NBEA: variants seen among roughly 807,000 people sequenced by gnomAD.
NBEA encodes the protein neurobeachin.
A neutral mutation model predicts 343.4 loss-of-function variants in NBEA; 44 were observed. The ratio of observed to expected loss-of-function variants is 0.13; its 90% CI spans 0.10 to 0.16. The LOEUF is 0.16. NBEA is among the 10% of genes least tolerant of loss of function. The pLI is 1.00. For synonymous variants in NBEA, 1,175 were observed against 1,238.7 expected (o/e 0.95, Z 1.08); for missense variants, 2,555 against 3,631.3 (o/e 0.70, Z 7.62).
At chr13:35,269,547 G>C (rs1418606043) in intron 34 of NBEA, among the ~76,000 whole-genome samples, 1 of 152,158 alleles carries the variant, frequency 6.6e-6, no homozygotes, top group Admixed American at 6.5e-5. Context: ...ACCACATGAT[G>C]TCATCGTTAG....
At chr13:35,506,767 G>T (rs758040413) in intron 41 of NBEA, among the ~76,000 whole-genome samples, 4 of 152,078 alleles carry the variant, frequency 2.6e-5, no homozygotes, top group Non-Finnish European at 4.4e-5. Context: ...TCAACCTAGG[G>T]CTCGTTTGAT....
intron 45 of NBEA, among the ~76,000 whole-genome samples, chr13:35,582,820 G>T (rs954185019): frequency 6.6e-6 from 1 of 152,126 alleles, no homozygotes; most frequent in Non-Finnish European, 1.5e-5. Context: ...GAGGCCAAAA[G>T]AAAAGGCTCA....
intron 33 of NBEA, among the ~76,000 whole-genome samples, chr13:35,224,521 T>C (rs557071919): frequency 3.3e-4 from 50 of 152,278 alleles, no homozygotes; most frequent in African/African-American, 1.1e-3. Context: ...ACTGAGTCTT[T>C]CCTTGGCTTC....
At chr13:35,508,559 A>G (rs563645526) in intron 41 of NBEA, among the ~76,000 whole-genome samples, 7 of 152,264 alleles carry the variant, frequency 4.6e-5, no homozygotes, top group Admixed American at 4.6e-4. Context: ...AAAGTGGATA[A>G]CATTTGTGAA....
chr13:35,258,040 A>G (rs2032819960), intron 34 of NBEA, among the ~76,000 whole-genome samples: 1 of 152,010 alleles, frequency 6.6e-6, no homozygotes, highest in Admixed American at 6.5e-5. Context: ...TATAATACAA[A>G]TTTTCATTTT....
At chr13:35,385,088 GT>G (rs1342145900) in intron 38 of NBEA, among the ~76,000 whole-genome samples, 1 of 152,116 alleles carries the variant, frequency 6.6e-6, no homozygotes, top group East Asian at 1.9e-4. Context: ...ACTGGTGATA[GT>G]TTTATTCTTC....
Position 34,948,289 on chromosome 13 carries a change from G to A in NBEA, c.294+5175G>A, listed in dbSNP as rs188505700. On this transcript the variant is annotated intron_variant, in intron 1 of 58. Coordinates refer to ENST00000379939, the MANE Select transcript of NBEA (RefSeq NM_001385012.1). Reference sequence around the variant, plus strand: ...ATCTAACCTAGGTGTGGCAAGAATTGTGGTGATTGGTTCAGGGACAAACAT... The same window carrying A: ...ATCTAACCTAGGTGTGGCAAGAATTATGGTGATTGGTTCAGGGACAAACAT... Among the ~76,000 whole-genome samples, 4 of 152,284 alleles carry A rather than the reference G, an allele frequency of 2.6e-5. No homozygotes were observed. In the East Asian group the frequency reaches 7.7e-4, roughly 29 times the overall value.
rs770988950 is a variant in NBEA, at chr13:35,159,384, C to T, written c.3213C>T (p.Leu1071=). 1.7e-5 allele frequency: 28 copies of T among 1,613,076 alleles called. No individual in the cohort carries two copies. The South Asian group carries it at 2.0e-4, about 11-fold the overall frequency. The stretch of plus-strand genomic sequence containing the variant: ...AAGTGGAAGCAACAGAAGTAAAGCT[C>T]GATGATATGGATTTATCACCGGAGA... ...AEKVEATEVK[L]DDMDLSPETL... is the part of the protein sequence containing the mutation. Residue 1071 remains leucine (L), a synonymous_variant, in exon 22 of 59, where the codon CTC becomes CTT. Transcript: ENST00000379939.
In NBEA at chr13:35,583,902, T is replaced by C; in HGVS notation, c.7040T>C (p.Ile2347Thr). The change falls in exon 46 of 59, where the codon ATT becomes ACT. Residue 2347 changes from isoleucine (I) to threonine (T), a missense_variant. By Grantham distance (89) the Ile-to-Thr change is moderately conservative. Transcript: ENST00000379939. The stretch of plus-strand genomic sequence containing the variant: ...ATATTTTTTTTCTTTTAATAGCCAA[T>C]TGGTGCTTTGAACCCCAAGAGAGCT... The part of the protein sequence containing the change: ...PGNFRDLSKP[I>T]GALNPKRAVF... 1 of 1,608,390 alleles carries C rather than the reference T, an allele frequency of 6.2e-7. No homozygotes were observed. The highest frequency in any genetic ancestry group is 2.2e-5 in the East Asian group (1 of 44,828).
intron 1 of NBEA, among the ~76,000 whole-genome samples, chr13:35,018,823 C>T (rs999076224): frequency 6.6e-6 from 1 of 152,042 alleles, no homozygotes; most frequent in African/African-American, 2.4e-5. Flanking sequence ...TTATTTATGA[C>T]CTTAGTGTGG....
At chr13:34,961,099 A>G (rs1203803633) in intron 1 of NBEA, among the ~76,000 whole-genome samples, 2 of 152,176 alleles carry the variant, frequency 1.3e-5, no homozygotes, top group East Asian at 1.9e-4. Context: ...GTAGTTTTGG[A>G]TCGGTATGCA....
At chr13:35,229,643 A>G (rs566305064) in intron 33 of NBEA, among the ~76,000 whole-genome samples, 196 of 152,202 alleles carry the variant, frequency 1.3e-3, no homozygotes, top group Non-Finnish European at 2.6e-3. Flanking sequence ...GGAGTTTTAC[A>G]TTGTGTGTTT....
chr13:35,347,877 G>A (rs1231872679), intron 36 of NBEA, among the ~76,000 whole-genome samples: 1 of 152,036 alleles, frequency 6.6e-6, no homozygotes, highest in Non-Finnish European at 1.5e-5. Context: ...TTAGGCCTGA[G>A]AGCCCGAGCA....
At chr13:35,610,545 A>G (rs1261444537) in intron 48 of NBEA, among the ~76,000 whole-genome samples, 1 of 151,978 alleles carries the variant, frequency 6.6e-6, no homozygotes, top group South Asian at 2.1e-4. Flanking sequence ...CCATATAAAA[A>G]AATTAACTCA....
chr13:34,978,085 G>A lies in NBEA; in HGVS notation c.294+34971G>A, dbSNP rs559269993. On this transcript the variant is annotated intron_variant, in intron 1 of 58. Coordinates refer to ENST00000379939, the MANE Select transcript of NBEA (RefSeq NM_001385012.1). ...GCCTCCCAAAGTGCTAGGATTACAG[G>A]CATGGGCCACTACATCCTGCCTAAA... Among the ~76,000 whole-genome samples, 58 of 152,292 alleles carry A rather than the reference G, an allele frequency of 3.8e-4. 1 individual carries two copies. Among genetic ancestry groups the A allele is most frequent in the African/African-American group, 1.4e-3 (57 of 41,564 alleles).
chr13:35,335,844 G>A (rs188492305), intron 36 of NBEA, among the ~76,000 whole-genome samples: 1 of 152,220 alleles, frequency 6.6e-6, no homozygotes, highest in African/African-American at 2.4e-5. Flanking sequence ...ACATATTTAT[G>A]GAAGTCTAAA....
intron 55 of NBEA, among the ~76,000 whole-genome samples, chr13:35,662,756 G>T (rs879403992): frequency 9.9e-5 from 15 of 152,128 alleles, no homozygotes; most frequent in Non-Finnish European, 1.9e-4. Context: ...CATGCATAAG[G>T]AATATTTTTA....
rs931287135 is a variant in NBEA, at chr13:35,076,255, A to G, written c.1571+5403A>G. On this transcript the variant is annotated intron_variant, in intron 10 of 58. Transcript: ENST00000379939. ...TTTGTTTGCCTTTAAAAAAATTGCTAAATTGGTACTGAAAACATTTTGAAG... is the reference window on the plus strand; with the variant it reads ...TTTGTTTGCCTTTAAAAAAATTGCTGAATTGGTACTGAAAACATTTTGAAG... Among the ~76,000 whole-genome samples, 8 of 152,088 alleles carry G rather than the reference A, an allele frequency of 5.3e-5. No homozygotes were observed. In the East Asian group the frequency reaches 1.5e-3, roughly 29 times the overall value.
At chr13:35,137,125 T>C (rs1393447927) in intron 17 of NBEA, among the ~76,000 whole-genome samples, 1 of 152,196 alleles carries the variant, frequency 6.6e-6, no homozygotes, top group African/African-American at 2.4e-5. Flanking sequence ...TTCATAATTA[T>C]TTTTTAAGCC....
Sources: allele counts gnomAD v4.1 joint callset (sites outside exome capture counted in the v4.1 genomes callset), GRCh38; gene constraint gnomAD v4.1.1; transcripts MANE v1.5; gene names NCBI Gene and HGNC (gene_info 2026-07-23, HGNC 2026-07-21).